Variants in AP3S2 observed in about 807,000 individuals in gnomAD.
AP3S2 encodes AP-3 complex subunit sigma-2.
A neutral mutation model predicts 23.4 loss-of-function variants in AP3S2; 22 were observed. The observed-to-expected ratio is 0.94, with a 90% CI of 0.67 to 1.34. The LOEUF (loss-of-function observed/expected upper bound fraction) is 1.34. Ranked by LOEUF, AP3S2 falls within the 40% of genes most tolerant of loss-of-function variation. The pLI is 0.00. For missense variants in AP3S2, 241 were observed against 236.9 expected, an observed-to-expected ratio of 1.02 and a Z score of -0.11; for synonymous variants, 86 against 87.1, an observed-to-expected ratio of 0.99 and a Z score of 0.07.
At chr15:89,881,239 C>A (rs1377449312) in intron 3 of AP3S2, among the ~76,000 whole-genome samples, 6 of 152,108 alleles carry the variant, frequency 3.9e-5, no homozygotes, top group Non-Finnish European at 1.5e-5. Context: ...GGCAAAGGAG[C>A]CGGACCATGT....
intron 4 of AP3S2, among the ~76,000 whole-genome samples, chr15:89,844,207 TTCTC>T (rs144151314): frequency 3.9e-5 from 5 of 128,782 alleles, no homozygotes; most frequent in Admixed American, 3.8e-4. Flanking sequence ...CTTTCTTTCT[TTCTC>T]TTTCTTTCTT....
intron 4 of AP3S2, among the ~76,000 whole-genome samples, chr15:89,841,941 C>T (rs1895338717): frequency 6.6e-6 from 1 of 151,932 alleles, no homozygotes; most frequent in Non-Finnish European, 1.5e-5. Flanking sequence ...GGACTAGATA[C>T]AATGGTAATA....
chr15:89,880,301 G>A (rs1398827577), intron 3 of AP3S2, among the ~76,000 whole-genome samples: 2 of 152,116 alleles, frequency 1.3e-5, no homozygotes, highest in African/African-American at 4.8e-5. Context: ...GAATACATAT[G>A]GATGAACAAA....
intron 3 of AP3S2, among the ~76,000 whole-genome samples, chr15:89,881,416 C>T (rs533277375): frequency 1.4e-4 from 22 of 152,178 alleles, no homozygotes; most frequent in South Asian, 6.2e-4. Flanking sequence ...ACTCAAAATA[C>T]GCAGATTTAC....
At chr15:89,878,007 A>G (rs1438534551) in intron 3 of AP3S2, among the ~76,000 whole-genome samples, 1 of 152,216 alleles carries the variant, frequency 6.6e-6, no homozygotes, top group Non-Finnish European at 1.5e-5. Flanking sequence ...CTTTTTGAAC[A>G]TAAAGTGCTG....
At chr15:89,853,151 G>A (rs1251660782) in intron 4 of AP3S2, among the ~76,000 whole-genome samples, 1 of 152,194 alleles carries the variant, frequency 6.6e-6, no homozygotes, top group Admixed American at 6.5e-5. Flanking sequence ...AATCACTGCA[G>A]CTGGGGGTAT....
At chr15:89,878,771 G>T (rs1299072238) in intron 3 of AP3S2, among the ~76,000 whole-genome samples, 2 of 151,852 alleles carry the variant, frequency 1.3e-5, no homozygotes, top group African/African-American at 4.8e-5. Flanking sequence ...TTGATACAGG[G>T]TCTCTCGCTC....
In AP3S2 at chr15:89,866,037, G is replaced by A. The variant is rs368918970; in HGVS notation, c.345+5438C>T. 8.6e-4 allele frequency among the ~76,000 whole-genome samples: 131 copies of A among 152,148 alleles called. 1 individual carries two copies. Among genetic ancestry groups the A allele is most frequent in the Middle Eastern group, 6.8e-3 (2 of 294 alleles). ...AGCACTTTGGGAGACTGAGGTGGGT[G>A]GATCACCTGAGGTCAGGAGTTGGAG... is the stretch of plus-strand genomic sequence containing the variant. On this transcript the variant is annotated intron_variant, in intron 4 of 5. Coordinates refer to ENST00000336418, the MANE Select transcript of AP3S2 (RefSeq NM_005829.5).
chr15:89,886,116 C>T (rs747406879), intron 3 of AP3S2, among the ~76,000 whole-genome samples: 4 of 151,906 alleles, frequency 2.6e-5, no homozygotes, highest in Non-Finnish European at 4.4e-5. Flanking sequence ...TTTGGGAGGC[C>T]GAGGCGGGCG....
intron 4 of AP3S2, among the ~76,000 whole-genome samples, chr15:89,855,945 TAAAAAAAAAAAAA>T (rs34784306): frequency 3.6e-5 from 4 of 111,986 alleles, no homozygotes; most frequent in Non-Finnish European, 5.3e-5. Context: ...ATATGTCCTT[TAAAAAAAAAAAAA>T]AAAAAAAAAA....
intron 5 of AP3S2, among the ~76,000 whole-genome samples, chr15:89,836,452 C>A (rs1895193539): frequency 6.6e-6 from 1 of 152,128 alleles, no homozygotes. Context: ...CAACTGCTTG[C>A]CAACTAATAA....
rs774727369 is a variant in AP3S2 at position 89,837,565 on chromosome 15, G to A, written c.453+50C>T. On this transcript the variant is annotated intron_variant, in intron 5 of 5. Transcript: ENST00000336418. Reference sequence around the variant, plus strand: ...AACACATGTACACACTCCTGCCTCTGCCCAGGTTTTCTCTACCCAGCCAGG... The same window carrying A: ...AACACATGTACACACTCCTGCCTCTACCCAGGTTTTCTCTACCCAGCCAGG... The A allele has an allele frequency of 3.1e-5, 50 of 1,608,996 alleles. No individual in the cohort carries two copies. The South Asian group carries it at 4.9e-4, about 16-fold the overall frequency.
At chr15:89,852,214 C>T (rs1449102797) in intron 4 of AP3S2, 2 of 152,096 alleles carry the variant, frequency 1.3e-5, no homozygotes, top group Non-Finnish European at 1.5e-5. Flanking sequence ...AGCTGCCAGG[C>T]TTATTCTAAA....
chr15:89,890,171 TC>T (rs1260486728), intron 1 of AP3S2, among the ~76,000 whole-genome samples: 1 of 149,732 alleles, frequency 6.7e-6, no homozygotes, highest in Non-Finnish European at 1.5e-5. Context: ...TGCCTCAGCC[TC>T]CCCAGTGGCT....
At chr15:89,854,398 G>T (rs1478444319) in intron 4 of AP3S2, among the ~76,000 whole-genome samples, 3 of 54,758 alleles carry the variant, frequency 5.5e-5, no homozygotes, top group Non-Finnish European at 7.9e-5. Context: ...GAGGTGGGGG[G>T]GTCAGCCCTC....
chr15:89,892,336 T>C (rs141608007), intron 1 of AP3S2, among the ~76,000 whole-genome samples: 1 of 152,260 alleles, frequency 6.6e-6, no homozygotes, highest in African/African-American at 2.4e-5. Context: ...GTTACACAGC[T>C]TCTGTGAACA....
chr15:89,849,507 C>T (rs1192307537), intron 4 of AP3S2, among the ~76,000 whole-genome samples: 1 of 152,028 alleles, frequency 6.6e-6, no homozygotes, highest in Non-Finnish European at 1.5e-5. Context: ...GCTGGAACTA[C>T]AGGCGCCCAC....
intron 4 of AP3S2, among the ~76,000 whole-genome samples, chr15:89,838,720 A>G (rs1349239196): frequency 6.6e-6 from 1 of 152,200 alleles, no homozygotes; most frequent in Non-Finnish European, 1.5e-5. Context: ...AAGTCAGAGA[A>G]GAAAGGGTAC....
At chr15:89,889,331 T>TA (rs1896767175) in intron 1 of AP3S2, 191 bp from the exon 2 acceptor site, 3 of 615,660 alleles carry the variant, frequency 4.9e-6, no homozygotes, top group Non-Finnish European at 8.4e-6. Context: ...AATGCTCTGA[T>TA]ACAGGAATTA....
Sources: gnomAD v4.1 joint callset for allele counts (sites outside exome capture counted in the v4.1 genomes callset) on GRCh38, gnomAD v4.1.1 for gene constraint, MANE v1.5 for transcripts, NCBI Gene and HGNC (gene_info 2026-07-23, HGNC 2026-07-21) for gene names.